Variants in PAFAH1B1 observed in about 807,000 individuals in gnomAD.
PAFAH1B1 encodes platelet-activating factor acetylhydrolase IB subunit beta.
In PAFAH1B1, 2 loss-of-function variants were observed where a neutral mutation model predicts 57.5. The observed-to-expected ratio is 0.03, with a 90% CI of 0.01 to 0.11. The LOEUF (loss-of-function observed/expected upper bound fraction) is 0.11. PAFAH1B1 is among the 10% of genes least tolerant of loss of function. The pLI is 1.00. For missense variants in PAFAH1B1, 257 were observed against 512.0 expected, an observed-to-expected ratio of 0.50 and a Z score of 4.81; for synonymous variants, 152 against 169.6, an observed-to-expected ratio of 0.90 and a Z score of 0.81.
At chr17:2,638,353 TCTCC>T in intron 2 of PAFAH1B1, 33 bp downstream of exon 2, 1 of 1,585,218 alleles carries the variant, frequency 6.3e-7, no homozygotes, top group South Asian at 1.1e-5. Context: ...TTAAAAAAAA[TCTCC>T]CTCATGAGAG....
chr17:2,631,456 C>A (rs1292338284), intron 1 of PAFAH1B1, among the ~76,000 whole-genome samples: 1 of 152,054 alleles, frequency 6.6e-6, no homozygotes, highest in Admixed American at 6.6e-5. Flanking sequence ...GGGGTTTTAC[C>A]CCCTCCTTCT....
chr17:2,596,025 T>G (rs1295800756), intron 1 of PAFAH1B1, among the ~76,000 whole-genome samples: 1 of 152,214 alleles, frequency 6.6e-6, no homozygotes, highest in Non-Finnish European at 1.5e-5. Context: ...TTGATATGAA[T>G]GGTTGCTACA....
chr17:2,607,288 C>T (rs2068216578), intron 1 of PAFAH1B1, among the ~76,000 whole-genome samples: 1 of 152,034 alleles, frequency 6.6e-6, no homozygotes, highest in Admixed American at 6.6e-5. Flanking sequence ...ATTCCCCTCC[C>T]TCAGCCTCCT....
rs1356792257 is a variant in PAFAH1B1, at chr17:2,684,247, C to A, written c.*2445C>A. ...GTGGGGGAGAGCAGTCCGTCTACAA[C>A]CTGGAATCAGATTTGCAAAATTTCC... On this transcript the variant is annotated 3_prime_UTR_variant, in exon 11 of 11. Transcript: ENST00000397195. 2 of 152,644 alleles carry A rather than the reference C, an allele frequency of 1.3e-5. No individual in the cohort carries two copies. Among genetic ancestry groups the A allele is most frequent in the Non-Finnish European group, 2.9e-5 (2 of 68,084 alleles). The allele number at this position is 152,644 out of a possible 1,614,324, so 9.5% of individuals were successfully genotyped here. A position where few individuals can be genotyped will look rare whatever the true frequency, so the allele number is the denominator to read the frequency against.
At chr17:2,623,261 CTTTTTTTTTT>C (rs376810275) in intron 1 of PAFAH1B1, among the ~76,000 whole-genome samples, 2 of 103,988 alleles carry the variant, frequency 1.9e-5, no homozygotes, top group East Asian at 2.8e-4. Flanking sequence ...TTTTTCCTTT[CTTTTTTTTTT>C]TTTTTTTTTT....
intron 2 of PAFAH1B1, among the ~76,000 whole-genome samples, chr17:2,657,819 CT>C (rs1181924203): frequency 6.6e-6 from 1 of 152,150 alleles, no homozygotes; most frequent in Non-Finnish European, 1.5e-5. Flanking sequence ...ACTTAACCTT[CT>C]TTTATATTCC....
intron 1 of PAFAH1B1, among the ~76,000 whole-genome samples, chr17:2,629,225 GT>G (rs760835515): frequency 6.6e-6 from 1 of 152,048 alleles, no homozygotes; most frequent in Non-Finnish European, 1.5e-5. Flanking sequence ...TGATGTAGGC[GT>G]TTAGGGCTAT....
At chr17:2,621,607 C>CTTTTTTTTTTTTT (rs534219431) in intron 1 of PAFAH1B1, among the ~76,000 whole-genome samples, 1 of 84,762 alleles carries the variant, frequency 1.2e-5, no homozygotes, top group African/African-American at 6.8e-5. Flanking sequence ...GATAATCTGT[C>CTTTTTTTTTTTTT]TTTTTTTTTT....
chr17:2,606,810 C>CTTTTTTTTTTTTTTTT (rs770011553), intron 1 of PAFAH1B1, among the ~76,000 whole-genome samples: 2 of 101,714 alleles, frequency 2.0e-5, no homozygotes, highest in African/African-American at 3.9e-5. Flanking sequence ...TGCCTCAGAG[C>CTTTTTTTTTTTTTTTT]TTTTTTTTTT....
At chr17:2,673,705 T>C (rs2069216559) in intron 7 of PAFAH1B1, 1 of 250,516 alleles carries the variant, frequency 4.0e-6, no homozygotes, top group Non-Finnish European at 7.9e-6. Flanking sequence ...AATTTGGTTG[T>C]GCATAGAATT....
rs563304857 is a variant in PAFAH1B1 at position 2,617,811 on chromosome 17, TC to T, written c.-190-20287del. 5.4e-3 allele frequency among the ~76,000 whole-genome samples: 822 copies of T among 152,124 alleles called. 5 individuals carry two copies. The highest frequency in any genetic ancestry group is 0.016 in the South Asian group (77 of 4,820). On this transcript the variant is annotated intron_variant, in intron 1 of 10. Transcript: ENST00000397195. ...GGTGGGTGTCTGTAATCCCAGCTAC[TC>T]GGGAGGCTGAGGCAGGAGAATTGCT...
intron 1 of PAFAH1B1, among the ~76,000 whole-genome samples, chr17:2,602,864 A>C (rs1349440398): frequency 6.6e-6 from 1 of 152,268 alleles, no homozygotes; most frequent in Non-Finnish European, 1.5e-5. Flanking sequence ...CAGCTTTGTA[A>C]GTAGCAGAGC....
chr17:2,597,033 C>T (rs1199572030), intron 1 of PAFAH1B1, among the ~76,000 whole-genome samples: 1 of 152,134 alleles, frequency 6.6e-6, no homozygotes, highest in East Asian at 1.9e-4. Flanking sequence ...TGTACTCCAG[C>T]CTGGGCGACA....
chr17:2,630,246 T>C (rs547415442), intron 1 of PAFAH1B1, among the ~76,000 whole-genome samples: 18 of 152,370 alleles, frequency 1.2e-4, no homozygotes, highest in African/African-American at 4.3e-4. Flanking sequence ...TTGATGTGTT[T>C]CAAGGATTTG....
intron 6 of PAFAH1B1, among the ~76,000 whole-genome samples, chr17:2,671,596 CTTTTTTT>C (rs1216997597): frequency 1.7e-5 from 2 of 116,084 alleles, no homozygotes; most frequent in Admixed American, 8.6e-5. Context: ...CCAACACCAC[CTTTTTTT>C]TTTTTTTTTT....
chr17:2,664,665 G>GCGCGCGCT, intron 2 of PAFAH1B1, among the ~76,000 whole-genome samples: 5 of 86,022 alleles, frequency 5.8e-5, no homozygotes, highest in Non-Finnish European at 5.3e-5. Context: ...TCTATCTATC[G>GCGCGCGCT]CTCTCTCTCT....
rs958014146 is a variant in PAFAH1B1 at position 2,684,692 on chromosome 17, C to T, written c.*2890C>T. On this transcript the variant is annotated 3_prime_UTR_variant, in exon 11 of 11. Coordinates refer to ENST00000397195, the MANE Select transcript of PAFAH1B1 (RefSeq NM_000430.4). The stretch of plus-strand genomic sequence containing the variant: ...ATCTTGCACTTTAGGAGACTAAGAC[C>T]GTCCTGGTTCGTCTGTGTGTGGTGT... The T allele has an allele frequency of 9.2e-5, 14 of 152,652 alleles. No individual in the cohort carries two copies. Among genetic ancestry groups the T allele is most frequent in the South Asian group, 4.1e-4 (2 of 4,830 alleles). 9.5% of individuals were successfully genotyped at this position (152,652 alleles called of 1,614,324 possible). A position where few individuals can be genotyped will look rare whatever the true frequency, so the allele number is the denominator to read the frequency against.
intron 2 of PAFAH1B1, among the ~76,000 whole-genome samples, chr17:2,649,447 G>A (rs768988243): frequency 2.6e-5 from 4 of 151,648 alleles, no homozygotes; most frequent in African/African-American, 7.3e-5. Context: ...GGTGGTGCGC[G>A]CCTGTAGTCC....
At chr17:2,648,970 G>A (rs977449095) in intron 2 of PAFAH1B1, among the ~76,000 whole-genome samples, 2 of 151,970 alleles carry the variant, frequency 1.3e-5, no homozygotes, top group African/African-American at 4.8e-5. Context: ...GAAAGAATTA[G>A]AACTATTGGA....
Sources: allele counts gnomAD v4.1 joint callset (sites outside exome capture counted in the v4.1 genomes callset), GRCh38; gene constraint gnomAD v4.1.1; transcripts MANE v1.5; gene names NCBI Gene and HGNC (gene_info 2026-07-23, HGNC 2026-07-21).